The following ZNF713 variants were observed in gnomAD, a reference collection of about 807,000 sequenced individuals.
The protein encoded by ZNF713 is zinc finger protein 713.
ZNF713 carries 21 observed loss-of-function variants against 28.7 expected under a neutral mutation model. That is an observed-to-expected ratio of 0.73 (90% confidence interval 0.52 to 1.05). The LOEUF (loss-of-function observed/expected upper bound fraction) is 1.05, where lower values mean the gene tolerates loss of function less well. ZNF713 is among the 50% of genes least tolerant of loss of function. ZNF713 has a pLI of 0.00. For missense variants in ZNF713, 458 were observed against 532.4 expected, an observed-to-expected ratio of 0.86 and a Z score of 1.37; for synonymous variants, 167 against 178.0, an observed-to-expected ratio of 0.94 and a Z score of 0.49.
intron 6 of ZNF713, chr7:55,924,801 G>A (rs186361039): frequency 6.6e-6 from 1 of 152,214 alleles, no homozygotes; most frequent in East Asian, 1.9e-4. Context: ...CTTAAACCTG[G>A]GAGCGGAGGT....
rs55656709 is a variant in ZNF713, at chr7:55,919,490, G to GTTTTTT, written c.88-3644_88-3639dup. 2.2e-3 allele frequency among the ~76,000 whole-genome samples: 146 copies of GTTTTTT among 66,724 alleles called. 10 individuals are homozygous for GTTTTTT. The highest frequency in any genetic ancestry group is 7.0e-3 in the Middle Eastern group (1 of 142). The allele number at this position is 66,724 out of a possible 152,430, so 43.8% of individuals were successfully genotyped here. ...GCTGGATAAATTGGTAAACACTCCA[G>GTTTTTT]TTTTTTTTTTTTTTTTTTTTTTTTT... is the stretch of plus-strand genomic sequence containing the variant. On this transcript the variant is annotated intron_variant, in intron 4 of 6. Transcript: ENST00000429591.
intron 1 of ZNF713, among the ~76,000 whole-genome samples, 154 bp downstream of exon 1, chr7:55,887,834 GCGGC>G (rs1785293757): frequency 1.2e-4 from 1 of 8,356 alleles, no homozygotes; most frequent in East Asian, 5.0e-3. Context: ...CGGGCGGCGG[GCGGC>G]GGGCGGCGGC....
intron 4 of ZNF713, among the ~76,000 whole-genome samples, chr7:55,919,735 A>G (rs1000506995): frequency 6.6e-6 from 1 of 151,936 alleles, no homozygotes; most frequent in Non-Finnish European, 1.5e-5. Context: ...CACATACTAT[A>G]AATGTTAAAA....
intron 5 of ZNF713, 32 bp from the exon 6 acceptor site, chr7:55,923,575 A>G (rs1786037169): frequency 1.3e-6 from 2 of 1,545,642 alleles, no homozygotes; most frequent in African/African-American, 1.4e-5. Flanking sequence ...CCCAGTACAA[A>G]CTCCTAAGAT....
Position 55,939,332 on chromosome 7 carries a change from T to G in ZNF713, c.658T>G (p.Ser220Ala), listed in dbSNP as rs766742541. 6.2e-7 allele frequency: 1 copy of G among 1,614,004 alleles called. No homozygotes were observed. Among genetic ancestry groups the G allele is most frequent in the South Asian group, 1.1e-5 (1 of 91,050 alleles). Residue 220 changes from serine to alanine, a missense_variant, in exon 7 of 7, where the codon TCA becomes GCA. By Grantham distance (99) the Ser-to-Ala change is moderately conservative. Transcript: ENST00000429591. ...DTQGNSIKHN[S>A]DLIYYQGNYV... is the part of the protein sequence containing the mutation. ...ACAGGGAAACAGCATCAAACATAAT[T>G]CAGACTTGATTTACTATCAGGGAAA...
intron 4 of ZNF713, among the ~76,000 whole-genome samples, chr7:55,917,509 G>A (rs1275646748): frequency 2.0e-5 from 3 of 152,054 alleles, no homozygotes; most frequent in Admixed American, 2.0e-4. Flanking sequence ...AGACAAGTGT[G>A]ACCAACTTGG....
intron 4 of ZNF713, chr7:55,917,923 A>T (rs944085311): frequency 5.5e-6 from 2 of 364,788 alleles, no homozygotes; most frequent in African/African-American, 2.1e-5. Flanking sequence ...CTGTGGGGAA[A>T]CAGACACTCT....
At chr7:55,908,135 G>GTTTTTT (rs71015120) in intron 2 of ZNF713, among the ~76,000 whole-genome samples, 189 of 54,634 alleles carry the variant, frequency 3.5e-3, no homozygotes, top group Non-Finnish European at 5.3e-3. Context: ...ATCCGTTGTT[G>GTTTTTT]TTTTTTTTTT....
chr7:55,905,335 T>C (rs902219988), intron 1 of ZNF713, among the ~76,000 whole-genome samples: 2 of 152,116 alleles, frequency 1.3e-5, no homozygotes, highest in Non-Finnish European at 2.9e-5. Context: ...TGGATGTCTA[T>C]GTATTTATAT....
At chr7:55,891,567 C>T (rs975239792) in intron 1 of ZNF713, among the ~76,000 whole-genome samples, 7 of 152,006 alleles carry the variant, frequency 4.6e-5, no homozygotes, top group Non-Finnish European at 4.4e-5. Flanking sequence ...GTGGTGCGCA[C>T]CTGTGGTCCC....
At chr7:55,919,602 T>A (rs1584310891) in intron 4 of ZNF713, among the ~76,000 whole-genome samples, 1 of 143,224 alleles carries the variant, frequency 7.0e-6, no homozygotes, top group African/African-American at 2.6e-5. Flanking sequence ...ACCTCCCGGG[T>A]TCAAGCAATT....
chr7:55,887,896 C>CAGGTGGCGGCGGGAGGCGGCAGGT (rs764810608), intron 1 of ZNF713, among the ~76,000 whole-genome samples: 1 of 82,250 alleles, frequency 1.2e-5, no homozygotes. Flanking sequence ...CGGGCGGCGG[C>CAGGTGGCGGCGGGAGGCGGCAGGT]GGCGGCGGGA....
chr7:55,938,156 A>G (rs577620399), intron 6 of ZNF713, among the ~76,000 whole-genome samples: 71 of 152,198 alleles, frequency 4.7e-4, no homozygotes, highest in African/African-American at 1.6e-3. Flanking sequence ...GTGAGCCAAG[A>G]TCACACCACT....
intron 1 of ZNF713, among the ~76,000 whole-genome samples, chr7:55,900,990 CA>C (rs1785565402): frequency 6.6e-6 from 1 of 152,108 alleles, no homozygotes; most frequent in East Asian, 1.9e-4. Context: ...TTGTATATTT[CA>C]AAATTACTAA....
chr7:55,909,967 G>A (rs1435225369), intron 2 of ZNF713, among the ~76,000 whole-genome samples: 1 of 148,936 alleles, frequency 6.7e-6, no homozygotes, highest in Non-Finnish European at 1.5e-5. Flanking sequence ...GTATATATAC[G>A]TTTATGTGTG....
rs1786416897 is a variant in ZNF713, at chr7:55,939,343, T to C, written c.669T>C (p.Ile223=). Residue 223 remains isoleucine, a synonymous_variant, in exon 7 of 7, where the codon ATT becomes ATC. Transcript: ENST00000429591. The part of the protein sequence containing the change: ...GNSIKHNSDL[I]YYQGNYVRET... ...GCATCAAACATAATTCAGACTTGAT[T>C]TACTATCAGGGAAATTATGTAAGAG... is the stretch of plus-strand genomic sequence containing the variant. The C allele has an allele frequency of 1.2e-6, 2 of 1,614,036 alleles. No homozygotes were observed. Among genetic ancestry groups the C allele is most frequent in the Non-Finnish European group, 1.7e-6 (2 of 1,179,998 alleles).
chr7:55,901,482 T>A (rs1255202818), intron 1 of ZNF713, among the ~76,000 whole-genome samples: 1 of 152,242 alleles, frequency 6.6e-6, no homozygotes, highest in African/African-American at 2.4e-5. Context: ...CATCACATTG[T>A]ACTCTATAAA....
chr7:55,900,715 G>A (rs1052919644), intron 1 of ZNF713, among the ~76,000 whole-genome samples: 16 of 152,200 alleles, frequency 1.1e-4, no homozygotes, highest in African/African-American at 3.9e-4. Flanking sequence ...CTAAAGAGAT[G>A]TTGACCAAAG....
rs200710195 is a variant in ZNF713 at position 55,889,455 on chromosome 7, TA to T, written c.-583+1784del. Among the ~76,000 whole-genome samples, 44 of 151,980 alleles carry T rather than the reference TA, an allele frequency of 2.9e-4. No individual in the cohort carries two copies. The East Asian group carries it at 3.3e-3, about 11-fold the overall frequency. ...GGCATTTAAAAGATACAGAAAAGTT[TA>T]AAAAAAAATAATTTTTTAAAAGGCA... is the stretch of plus-strand genomic sequence containing the variant. On this transcript the variant is annotated intron_variant, in intron 1 of 6. Transcript: ENST00000429591.
Sources: gnomAD v4.1 joint callset for allele counts (sites outside exome capture counted in the v4.1 genomes callset) on GRCh38, gnomAD v4.1.1 for gene constraint, MANE v1.5 for transcripts, NCBI Gene and HGNC (gene_info 2026-07-23, HGNC 2026-07-21) for gene names.